Variants in MAGI3 observed in about 807,000 individuals in gnomAD.
MAGI3 encodes the protein membrane associated guanylate kinase, WW and PDZ domain containing 3, also known as membrane-associated guanylate kinase, WW and PDZ domain-containing protein 3.
MAGI3 carries 43 observed loss-of-function variants against 121.8 expected under a neutral mutation model. The observed-to-expected ratio is 0.35, with a 90% CI of 0.28 to 0.46. The LOEUF (loss-of-function observed/expected upper bound fraction) is 0.46. Ranked by LOEUF, MAGI3 falls within the 20% of genes least tolerant of loss-of-function variation. MAGI3 has a pLI of 1.00. For missense variants in MAGI3, 1,547 were observed against 1,797.3 expected (o/e 0.86, Z 2.52); for synonymous variants, 553 against 639.3 (o/e 0.86, Z 2.04).
At chr1:113,427,791 G>A (rs184274352) in intron 1 of MAGI3, among the ~76,000 whole-genome samples, 4 of 151,914 alleles carry the variant, frequency 2.6e-5, no homozygotes, top group African/African-American at 4.8e-5. Context: ...TTAATTTGAG[G>A]GTAACTTTTT....
At chr1:113,603,048 A>G (rs949797002) in intron 6 of MAGI3, among the ~76,000 whole-genome samples, 1 of 152,180 alleles carries the variant, frequency 6.6e-6, no homozygotes, top group African/African-American at 2.4e-5. Context: ...TACAAAATTT[A>G]TAGACCATTA....
At chr1:113,538,424 G>A (rs1659106082) in intron 1 of MAGI3, among the ~76,000 whole-genome samples, 1 of 152,170 alleles carries the variant, frequency 6.6e-6, no homozygotes. Flanking sequence ...TCAGTTATTG[G>A]TGTGCCAGCC....
intron 7 of MAGI3, among the ~76,000 whole-genome samples, chr1:113,616,500 T>C (rs1408474002): frequency 6.6e-6 from 1 of 152,232 alleles, no homozygotes; most frequent in African/African-American, 2.4e-5. Flanking sequence ...GATGGCACGA[T>C]GATTGCTCTT....
At chr1:113,639,040 G>A (rs907635553) in intron 9 of MAGI3, among the ~76,000 whole-genome samples, 14 of 152,256 alleles carry the variant, frequency 9.2e-5, no homozygotes, top group African/African-American at 3.1e-4. Flanking sequence ...TCCGAGCCAG[G>A]TGCGGCATAT....
In MAGI3 at chr1:113,649,263, T is replaced by C. The variant is rs746378479; in HGVS notation, c.2182T>C (p.Phe728Leu). The change falls in exon 13 of 21, where the codon TTT (phenylalanine) becomes CTT (leucine). Residue 728 changes from phenylalanine (F) to leucine (L), a missense_variant. Phe to Leu is a conservative substitution (Grantham distance 22). Coordinates refer to ENST00000307546, the MANE Select transcript of MAGI3 (RefSeq NM_001142782.2). The stretch of plus-strand genomic sequence containing the variant: ...ACCAAACACCAAAGATTTGGATGTT[T>C]TTCTTCGAAAACAAGAGTCAGGGTT... The part of the protein sequence containing the change: ...KPPNTKDLDV[F>L]LRKQESGFGF... 3 of 1,613,494 alleles carry C rather than the reference T, an allele frequency of 1.9e-6. No homozygotes were observed. The highest frequency in any genetic ancestry group is 3.3e-5 in the Admixed American group (2 of 59,960).
chr1:113,508,234 C>T (rs184454919), intron 1 of MAGI3, among the ~76,000 whole-genome samples: 11 of 152,174 alleles, frequency 7.2e-5, no homozygotes, highest in Non-Finnish European at 1.3e-4. Flanking sequence ...GGTATGTAAA[C>T]ATGGGAAATG....
chr1:113,684,437 T>C lies in MAGI3; in HGVS notation c.*423T>C, dbSNP rs924822112. 1.3e-5 allele frequency: 2 copies of C among 157,374 alleles called. No individual in the cohort carries two copies. Among genetic ancestry groups the C allele is most frequent in the Admixed American group, 6.1e-5 (1 of 16,354 alleles). The allele number at this position is 157,374 out of a possible 1,614,324, so 9.7% of individuals were successfully genotyped here. A position where few individuals can be genotyped will look rare whatever the true frequency, so the allele number is the denominator to read the frequency against. On this transcript the variant is annotated 3_prime_UTR_variant, in exon 21 of 21. Coordinates refer to ENST00000307546, the MANE Select transcript of MAGI3 (RefSeq NM_001142782.2). ...GAAAAAGTTAGGTTTGGCTTGGAAG[T>C]TGATGATCTCAATAGCATGTTGCAT...
intron 1 of MAGI3, among the ~76,000 whole-genome samples, chr1:113,454,043 C>T (rs1430974826): frequency 1.3e-5 from 2 of 152,136 alleles, no homozygotes; most frequent in East Asian, 1.9e-4. Flanking sequence ...GCATATACCT[C>T]AGATATCTCT....
chr1:113,421,156 T>C (rs893698683), intron 1 of MAGI3, among the ~76,000 whole-genome samples: 81 of 152,306 alleles, frequency 5.3e-4, no homozygotes, highest in Non-Finnish European at 2.9e-5. Flanking sequence ...TTGTGCCTCA[T>C]GTTTTCTATT....
intron 1 of MAGI3, among the ~76,000 whole-genome samples, chr1:113,480,575 C>T (rs1301151046): frequency 6.6e-6 from 1 of 152,160 alleles, no homozygotes; most frequent in Non-Finnish European, 1.5e-5. Context: ...AAGTCATGTG[C>T]TCACGTTACT....
intron 7 of MAGI3, among the ~76,000 whole-genome samples, chr1:113,616,197 G>A (rs1271114393): frequency 1.3e-5 from 2 of 152,206 alleles, no homozygotes; most frequent in African/African-American, 4.8e-5. Flanking sequence ...AGTTGTCAGG[G>A]AGGTACATGA....
intron 1 of MAGI3, among the ~76,000 whole-genome samples, chr1:113,427,039 A>G (rs1322945052): frequency 6.6e-6 from 1 of 152,072 alleles, no homozygotes; most frequent in African/African-American, 2.4e-5. Flanking sequence ...TACTTGTTAC[A>G]GACAGTCACC....
chr1:113,521,832 T>G (rs1557801902), intron 1 of MAGI3, among the ~76,000 whole-genome samples: 2 of 152,364 alleles, frequency 1.3e-5, no homozygotes, highest in South Asian at 4.1e-4. Context: ...TGCCTTTTTA[T>G]TCCTGCCTCT....
intron 2 of MAGI3, among the ~76,000 whole-genome samples, chr1:113,577,280 A>AGAT (rs1203266336): frequency 1.3e-5 from 2 of 152,180 alleles, no homozygotes; most frequent in Non-Finnish European, 2.9e-5. Flanking sequence ...GATGAGGGTA[A>AGAT]GACTTGGCCA....
Position 113,575,616 on chromosome 1 carries a change from G to A in MAGI3, c.434-4926G>A, listed in dbSNP as rs113899120. ...TGCCAGCCAGAGCTCTCCTGTATGA[G>A]GTGTCTGTTGACTCCTACTGGGAGG... On this transcript the variant is annotated intron_variant, in intron 2 of 20. Transcript: ENST00000307546. Among the ~76,000 whole-genome samples, 169 of 152,314 alleles carry A rather than the reference G, an allele frequency of 1.1e-3. 1 individual carries two copies. Among genetic ancestry groups the A allele is most frequent in the African/African-American group, 3.9e-3 (163 of 41,582 alleles).
chr1:113,443,949 C>T (rs368547265), intron 1 of MAGI3, among the ~76,000 whole-genome samples: 4 of 152,096 alleles, frequency 2.6e-5, no homozygotes, highest in East Asian at 1.9e-4. Flanking sequence ...TTTGGTAAGA[C>T]GGAGTGGGAA....
chr1:113,446,661 T>C (rs1570687831), intron 1 of MAGI3, among the ~76,000 whole-genome samples: 1 of 152,084 alleles, frequency 6.6e-6, no homozygotes, highest in South Asian at 2.1e-4. Flanking sequence ...GAGACACAAA[T>C]AGATTGAAAG....
chr1:113,668,677 G>T (rs1241329710), intron 16 of MAGI3, among the ~76,000 whole-genome samples: 1 of 147,008 alleles, frequency 6.8e-6, no homozygotes, highest in Non-Finnish European at 1.5e-5. Flanking sequence ...CCGCTTCCCG[G>T]GTTCACGCCA....
chr1:113,653,880 G>A lies in MAGI3; in HGVS notation c.2491G>A (p.Gly831Arg). 1 of 1,613,508 alleles carries A rather than the reference G, an allele frequency of 6.2e-7. No homozygotes were observed. The highest frequency in any genetic ancestry group is 8.5e-7 in the Non-Finnish European group (1 of 1,179,762). The change falls in exon 15 of 21, where the codon GGA (glycine) becomes AGA (arginine). Residue 831 changes from glycine to arginine, a missense_variant. Coordinates refer to ENST00000307546, the MANE Select transcript of MAGI3 (RefSeq NM_001142782.2). The part of the protein sequence containing the change: ...SSQAFISTQN[G>R]SPRLNRAEVP... ...TCAGGCCTTCATTTCAACACAGAAT[G>A]GATCTCCCCGCCTGAACCGGGCAGA...
Sources: gnomAD v4.1 joint callset for allele counts (sites outside exome capture counted in the v4.1 genomes callset) on GRCh38, gnomAD v4.1.1 for gene constraint, MANE v1.5 for transcripts, NCBI Gene and HGNC (gene_info 2026-07-23, HGNC 2026-07-21) for gene names.